The following KREMEN1 variants were observed in gnomAD, a reference collection of about 807,000 sequenced individuals.
The protein encoded by KREMEN1 is kringle containing transmembrane protein 1.
In KREMEN1, 30 loss-of-function variants were observed where a neutral mutation model predicts 46.5. The ratio of observed to expected loss-of-function variants is 0.65; its 90% CI spans 0.48 to 0.88. KREMEN1 has a LOEUF of 0.88. Among genes scored for constraint, KREMEN1 ranks in the 40% least tolerant of loss-of-function variants. KREMEN1 has a pLI of 0.00. For missense variants in KREMEN1, 533 were observed against 596.9 expected (o/e 0.89, Z 1.11); for synonymous variants, 214 against 230.6 (o/e 0.93, Z 0.65).
chr22:29,092,688 A>G (rs2037822602), intron 1 of KREMEN1, among the ~76,000 whole-genome samples: 1 of 152,174 alleles, frequency 6.6e-6, no homozygotes, highest in African/African-American at 2.4e-5. Context: ...ATAAATTGTT[A>G]GGGTTGGTGG....
chr22:29,103,078 T>C (rs1020620052), intron 3 of KREMEN1, among the ~76,000 whole-genome samples: 9 of 152,198 alleles, frequency 5.9e-5, no homozygotes, highest in Non-Finnish European at 1.3e-4. Context: ...CCTGGTGGAT[T>C]TAACAGAGAT....
In KREMEN1 at chr22:29,138,794, T is replaced by C. The variant is rs2038712700; in HGVS notation, c.1123+12T>C. The C allele has an allele frequency of 6.2e-7, 1 of 1,614,232 alleles. No individual in the cohort carries two copies. Among genetic ancestry groups the C allele is most frequent in the South Asian group, 1.1e-5 (1 of 91,088 alleles). ...TCAGACTGTCCCAGGTAGCAATTCC[T>C]GGGCGCCACCCATGGGGGCTGGAAG... On this transcript the variant is annotated intron_variant, in intron 7 of 8. Transcript: ENST00000400335.
chr22:29,112,732 C>G (rs1298969692), intron 3 of KREMEN1, among the ~76,000 whole-genome samples: 2 of 152,132 alleles, frequency 1.3e-5, no homozygotes, highest in African/African-American at 4.8e-5. Flanking sequence ...AGGAAAAATG[C>G]ATGACCAAGC....
Position 29,132,868 on chromosome 22 carries a change from C to A in KREMEN1, c.632-4474C>A, listed in dbSNP as rs147294574. Among the ~76,000 whole-genome samples the A allele has an allele frequency of 9.9e-5, 15 of 152,226 alleles. No homozygotes were observed. The East Asian group carries it at 2.7e-3, about 27-fold the overall frequency. On this transcript the variant is annotated intron_variant, in intron 5 of 8. Transcript: ENST00000400335. Reference sequence around the variant, plus strand: ...AAGATATTGGTCCATATTCTTGTGACTTGTATGGTTTTTAGAGATGTCTGC... The same window carrying A: ...AAGATATTGGTCCATATTCTTGTGAATTGTATGGTTTTTAGAGATGTCTGC...
intron 5 of KREMEN1, among the ~76,000 whole-genome samples, chr22:29,129,534 G>A (rs912859920): frequency 6.6e-6 from 1 of 152,132 alleles, no homozygotes; most frequent in African/African-American, 2.4e-5. Flanking sequence ...GGTGAGAAAC[G>A]ACCAGGTTAC....
chr22:29,077,930 A>C (rs538333201), intron 1 of KREMEN1, among the ~76,000 whole-genome samples: 1 of 152,286 alleles, frequency 6.6e-6, no homozygotes, highest in Non-Finnish European at 1.5e-5. Context: ...TATGGGGAAA[A>C]GTTTGTGCAC....
In KREMEN1 at chr22:29,073,095, C is replaced by A. The variant is rs112588138; in HGVS notation, c.-36C>A. 1 of 759,664 alleles carries A rather than the reference C, an allele frequency of 1.3e-6. No homozygotes were observed. Among genetic ancestry groups the A allele is most frequent in the Non-Finnish European group, 1.6e-6 (1 of 622,290 alleles). The allele number at this position is 759,664 out of a possible 1,614,324, so 47.1% of individuals were successfully genotyped here. On this transcript the variant is annotated 5_prime_UTR_variant, in exon 1 of 9. Transcript: ENST00000400335. This position sits in a 1 kb window ranked among gnomAD's most constrained non-coding sequence, Gnocchi z 4.4. Reference sequence around the variant, plus strand: ...CGGCTCCCCGCGCTGCCCCCTTTACCCCGGGCCGCGCCCCGGGGCCCCGCA... The same window carrying A: ...CGGCTCCCCGCGCTGCCCCCTTTACACCGGGCCGCGCCCCGGGGCCCCGCA...
intron 1 of KREMEN1, among the ~76,000 whole-genome samples, chr22:29,080,941 CTTT>C (rs71313000): frequency 1.8e-5 from 2 of 112,242 alleles, no homozygotes; most frequent in Non-Finnish European, 1.8e-5. Flanking sequence ...TTTTTTTGTC[CTTT>C]TTTTTTTTTT....
intron 2 of KREMEN1, among the ~76,000 whole-genome samples, chr22:29,096,276 C>G (rs1021570454): frequency 6.6e-6 from 1 of 152,126 alleles, no homozygotes; most frequent in Non-Finnish European, 1.5e-5. Context: ...CAAAATATCT[C>G]TTGGTAGTAG....
intron 3 of KREMEN1, among the ~76,000 whole-genome samples, chr22:29,105,275 A>G (rs1007248604): frequency 2.0e-5 from 3 of 151,898 alleles, no homozygotes; most frequent in Non-Finnish European, 4.4e-5. Context: ...ATTAAAATAC[A>G]GATTCTTATC....
At chr22:29,141,122 G>A (rs1176120311) in intron 8 of KREMEN1, among the ~76,000 whole-genome samples, 1 of 152,086 alleles carries the variant, frequency 6.6e-6, no homozygotes, top group Non-Finnish European at 1.5e-5. Flanking sequence ...CATTAAATGC[G>A]AGCTCTTCCA....
rs1044405666 is a variant in KREMEN1 at position 29,137,179 on chromosome 22, C to T, written c.632-163C>T. On this transcript the variant is annotated intron_variant, in intron 5 of 8. Transcript: ENST00000400335. ...GAAAAACATCTCCACAGTCATTTTT[C>T]GAGAGTCTCAGCGATTCGTTTTGTG... Among the ~76,000 whole-genome samples the T allele has an allele frequency of 1.4e-4, 21 of 152,118 alleles. 1 individual carries two copies. The highest frequency in any genetic ancestry group is 1.1e-3 in the Admixed American group (17 of 15,270).
rs966171302 is a variant in KREMEN1, at chr22:29,081,292, A to T, written c.97+8065A>T. 2.0e-5 allele frequency among the ~76,000 whole-genome samples: 3 copies of T among 152,126 alleles called. No homozygotes were observed. In the South Asian group the frequency reaches 6.2e-4, roughly 32 times the overall value. On this transcript the variant is annotated intron_variant, in intron 1 of 8. Coordinates refer to ENST00000400335, the MANE Select transcript of KREMEN1 (RefSeq NM_001039570.3). ...AGTGTTTCAGAAACCTTAATTCAGTAAGGGGGTCTGTGATTCACTGTGTCT... is the reference window on the plus strand; with the variant it reads ...AGTGTTTCAGAAACCTTAATTCAGTTAGGGGGTCTGTGATTCACTGTGTCT...
Position 29,117,997 on chromosome 22 carries a change from C to T in KREMEN1, c.353-3360C>T, listed in dbSNP as rs141394737. On this transcript the variant is annotated intron_variant, in intron 3 of 8. Transcript: ENST00000400335. ...GACTTCGCAATATCCTGCTTCAAGGCGTCTCACAAAGCTGCAAGCCAGGTG... is the reference window on the plus strand; with the variant it reads ...GACTTCGCAATATCCTGCTTCAAGGTGTCTCACAAAGCTGCAAGCCAGGTG... Among the ~76,000 whole-genome samples, 597 of 152,282 alleles carry T rather than the reference C, an allele frequency of 3.9e-3. 3 individuals carry two copies. Among genetic ancestry groups the T allele is most frequent in the African/African-American group, 0.014 (564 of 41,538 alleles).
At chr22:29,089,944 G>A (rs1301508688) in intron 1 of KREMEN1, among the ~76,000 whole-genome samples, 1 of 152,156 alleles carries the variant, frequency 6.6e-6, no homozygotes, top group Non-Finnish European at 1.5e-5. Context: ...CCCTAGGAGA[G>A]AACCCTCACC....
chr22:29,114,676 C>T (rs575678571), intron 3 of KREMEN1, among the ~76,000 whole-genome samples: 5 of 152,166 alleles, frequency 3.3e-5, no homozygotes, highest in South Asian at 2.1e-4. Context: ...AAGCCACCAG[C>T]CTATGGTATT....
At chr22:29,087,625 G>A (rs1438368069) in intron 1 of KREMEN1, among the ~76,000 whole-genome samples, 1 of 151,754 alleles carries the variant, frequency 6.6e-6, no homozygotes, top group East Asian at 1.9e-4. Flanking sequence ...GAGTGCAATG[G>A]TGCGATCTTG....
intron 3 of KREMEN1, among the ~76,000 whole-genome samples, chr22:29,115,410 C>G (rs2038221866): frequency 6.7e-6 from 1 of 150,176 alleles, no homozygotes; most frequent in Non-Finnish European, 1.5e-5. Flanking sequence ...CCAAACACCA[C>G]CTGTTCCCCA....
chr22:29,109,450 G>A (rs1482020505), intron 3 of KREMEN1, among the ~76,000 whole-genome samples: 5 of 152,212 alleles, frequency 3.3e-5, no homozygotes, highest in African/African-American at 1.2e-4. Context: ...TTATGAGGTA[G>A]AGTGTTGTGA....
Sources: allele counts gnomAD v4.1 joint callset (sites outside exome capture counted in the v4.1 genomes callset), GRCh38; gene constraint gnomAD v4.1.1; non-coding constraint Gnocchi (gnomAD v3.1); transcripts MANE v1.5; gene names NCBI Gene and HGNC (gene_info 2026-07-23, HGNC 2026-07-21).